GRIP1: variants seen among roughly 807,000 people sequenced by gnomAD.
GRIP1 encodes glutamate receptor interacting protein 1.
A neutral mutation model predicts 129.9 loss-of-function variants in GRIP1; 45 were observed. The observed-to-expected ratio is 0.35, with a 90% CI of 0.27 to 0.44. The LOEUF (loss-of-function observed/expected upper bound fraction) is 0.44, where lower values mean the gene tolerates loss of function less well. GRIP1 is among the 20% of genes least tolerant of loss of function. GRIP1 has a pLI of 1.00. For synonymous variants in GRIP1, 530 were observed against 520.8 expected (o/e 1.02, Z -0.24); for missense variants, 1,196 against 1,396.8 (o/e 0.86, Z 2.29).
At chr12:66,581,167 C>T (rs1010874809) in intron 2 of GRIP1, among the ~76,000 whole-genome samples, 17 of 152,118 alleles carry the variant, frequency 1.1e-4, no homozygotes, top group Admixed American at 4.6e-4. Context: ...GGGTACATAA[C>T]GAAATGAAGG....
At chr12:66,534,999 T>A (rs1214039182) in intron 4 of GRIP1, among the ~76,000 whole-genome samples, 1 of 152,112 alleles carries the variant, frequency 6.6e-6, no homozygotes, top group Non-Finnish European at 1.5e-5. Flanking sequence ...TAGCCCCCTC[T>A]CTGTCTTTCC....
At chr12:66,994,520 T>C (rs2042439437) in intron 1 of GRIP1, among the ~76,000 whole-genome samples, 1 of 151,198 alleles carries the variant, frequency 6.6e-6, no homozygotes, top group African/African-American at 2.4e-5. Context: ...GAAAAACTCA[T>C]AGCTAACATC....
At chr12:66,536,803 T>C (rs1186842443) in intron 4 of GRIP1, among the ~76,000 whole-genome samples, 1 of 152,208 alleles carries the variant, frequency 6.6e-6, no homozygotes, top group Non-Finnish European at 1.5e-5. Context: ...TAGTACATAG[T>C]GGTGGCTGGA....
chr12:66,366,042 GAAGA>G (rs1309728690), intron 23 of GRIP1, among the ~76,000 whole-genome samples: 2 of 152,190 alleles, frequency 1.3e-5, no homozygotes, highest in Non-Finnish European at 2.9e-5. Flanking sequence ...CTCCTTGCCT[GAAGA>G]AAGAGAAGCA....
At chr12:66,791,747 T>C (rs2038543327) in intron 1 of GRIP1, among the ~76,000 whole-genome samples, 2 of 152,194 alleles carry the variant, frequency 1.3e-5, no homozygotes, top group Non-Finnish European at 1.5e-5. Context: ...CTGAGTTGTA[T>C]ACTGGTGCTG....
At chr12:66,952,855 G>C (rs1392249344) in intron 1 of GRIP1, among the ~76,000 whole-genome samples, 2 of 152,148 alleles carry the variant, frequency 1.3e-5, no homozygotes. Flanking sequence ...ACATGATTCT[G>C]ATGAGTAAAC....
rs186445952 is a variant in GRIP1, at chr12:66,612,587, T to C, written c.56-15660A>G. Among the ~76,000 whole-genome samples, 1,363 of 152,148 alleles carry C rather than the reference T, an allele frequency of 9.0e-3. 22 individuals are homozygous for C. The highest frequency in any genetic ancestry group is 0.039 in the Admixed American group (592 of 15,274). ...GGGAGGTTGAGGCTGCAGTGAGTCATGACTGCCACTGCACTCCAGCCTCAG... is the reference window on the plus strand; with the variant it reads ...GGGAGGTTGAGGCTGCAGTGAGTCACGACTGCCACTGCACTCCAGCCTCAG... On this transcript the variant is annotated intron_variant, in intron 1 of 24. Transcript: ENST00000359742.
chr12:66,733,657 T>C (rs1226786433), intron 1 of GRIP1, among the ~76,000 whole-genome samples: 2 of 152,222 alleles, frequency 1.3e-5, no homozygotes, highest in Non-Finnish European at 2.9e-5. Flanking sequence ...TCATCACAGA[T>C]GAAAAATAAT....
intron 1 of GRIP1, among the ~76,000 whole-genome samples, chr12:66,932,611 A>G (rs545101146): frequency 6.6e-5 from 10 of 152,238 alleles, no homozygotes; most frequent in African/African-American, 2.4e-4. Context: ...AAAAAAAAAA[A>G]AAAATTCCGA....
intron 1 of GRIP1, among the ~76,000 whole-genome samples, chr12:66,777,030 A>T (rs776826077): frequency 6.6e-6 from 1 of 152,212 alleles, no homozygotes; most frequent in South Asian, 2.1e-4. Context: ...GTCAGAAACA[A>T]CCTAAGTATC....
At chr12:66,624,887 G>T (rs1451815010) in intron 1 of GRIP1, among the ~76,000 whole-genome samples, 1 of 152,062 alleles carries the variant, frequency 6.6e-6, no homozygotes, top group Non-Finnish European at 1.5e-5. Flanking sequence ...AAAACATTTA[G>T]AAATGGCTCA....
At chr12:66,930,056 T>TCTC (rs1555253100) in intron 1 of GRIP1, among the ~76,000 whole-genome samples, 114 of 55,602 alleles carry the variant, frequency 2.1e-3, no homozygotes, top group African/African-American at 8.6e-3. Flanking sequence ...TCTCTCTCTC[T>TCTC]TTTTTTTTTT....
chr12:66,751,062 AT>A (rs1476894126), intron 1 of GRIP1, among the ~76,000 whole-genome samples: 4 of 151,948 alleles, frequency 2.6e-5, no homozygotes, highest in African/African-American at 4.8e-5. Context: ...ATTTAAAAAA[AT>A]TTTTTTAAGT....
chr12:66,716,555 T>C (rs2035894825), intron 1 of GRIP1, among the ~76,000 whole-genome samples: 1 of 151,878 alleles, frequency 6.6e-6, no homozygotes, highest in Non-Finnish European at 1.5e-5. Context: ...TATTATACTT[T>C]AAGTTTTAGG....
intron 1 of GRIP1, among the ~76,000 whole-genome samples, chr12:66,609,164 A>G (rs1349587038): frequency 6.6e-6 from 1 of 152,022 alleles, no homozygotes; most frequent in East Asian, 1.9e-4. Context: ...AAAAGCTAAT[A>G]AGAATCAGAG....
intron 7 of GRIP1, among the ~76,000 whole-genome samples, chr12:66,489,145 A>C (rs1412683442): frequency 6.6e-6 from 1 of 152,206 alleles, no homozygotes; most frequent in African/African-American, 2.4e-5. Context: ...TTCTGGTGCC[A>C]AAACCCGGCA....
At chr12:66,990,926 G>A (rs113761157) in intron 1 of GRIP1, among the ~76,000 whole-genome samples, 1,941 of 150,312 alleles carry the variant, frequency 0.013, 48 homozygotes, top group African/African-American at 0.045. Context: ...GCGGTGAGCC[G>A]AGATAGCGCC....
chr12:66,665,209 T>C (rs1235048887), intron 1 of GRIP1, among the ~76,000 whole-genome samples: 1 of 152,196 alleles, frequency 6.6e-6, no homozygotes, highest in Middle Eastern at 3.2e-3. Flanking sequence ...GGTCTTGCCA[T>C]GTTGCCTGAG....
chr12:66,533,800 TAGAA>T lies in GRIP1; in HGVS notation c.419-3890_419-3887del, dbSNP rs1263552864. Reference sequence around the variant, plus strand: ...TTATTTTCATAAAGAAACTGAATCTTAGAAAGGGCCAAGGTCAAACCAGTTTTCT... The same window carrying T: ...TTATTTTCATAAAGAAACTGAATCTTAGGGCCAAGGTCAAACCAGTTTTCT... On this transcript the variant is annotated intron_variant, in intron 4 of 24. Coordinates refer to ENST00000359742, the MANE Select transcript of GRIP1 (RefSeq NM_001366722.1). Among the ~76,000 whole-genome samples the T allele has an allele frequency of 5.3e-5, 8 of 152,018 alleles. No homozygotes were observed. In the East Asian group the frequency reaches 1.2e-3, roughly 22 times the overall value.
Sources: allele counts gnomAD v4.1 joint callset (sites outside exome capture counted in the v4.1 genomes callset), GRCh38; gene constraint gnomAD v4.1.1; transcripts MANE v1.5; gene names NCBI Gene and HGNC (gene_info 2026-07-23, HGNC 2026-07-21).